DDX60: variants seen among roughly 807,000 people sequenced by gnomAD.
DDX60 encodes the protein probable ATP-dependent RNA helicase DDX60.
Under a neutral mutation model 212.8 loss-of-function variants are expected in DDX60, and 165 were observed. The observed-to-expected ratio is 0.78, with a 90% CI of 0.68 to 0.88. The LOEUF (loss-of-function observed/expected upper bound fraction) is 0.88. Ranked by LOEUF, DDX60 falls within the 40% of genes least tolerant of loss-of-function variation. DDX60 has a pLI of 0.00. For synonymous variants in DDX60, 703 were observed against 685.3 expected, an observed-to-expected ratio of 1.03 and a Z score of -0.40; for missense variants, 1,905 against 2,003.9, an observed-to-expected ratio of 0.95 and a Z score of 0.94.
At position 168,306,365 on chromosome 4, in the gene DDX60, T is replaced by G. The variant is rs1736873972; in HGVS notation, c.606+14A>C. 1 of 1,564,916 alleles carries G rather than the reference T, an allele frequency of 6.4e-7. No homozygotes were observed. Among genetic ancestry groups the G allele is most frequent in the African/African-American group, 1.4e-5 (1 of 72,710 alleles). On this transcript the variant is annotated intron_variant, in intron 5 of 37. Transcript: ENST00000393743. ...AAAATTTCTAGAAGAAATTGTCTTT[T>G]GGATGTGAATTACCTTCCAGGAAAA... is the stretch of plus-strand genomic sequence containing the variant.
the DDX60 span, among the ~76,000 whole-genome samples, chr4:168,323,969 A>G: frequency 6.6e-6 from 1 of 152,232 alleles, no homozygotes; most frequent in Admixed American, 6.5e-5. Context: ...GATTCCATTC[A>G]TTAAATCTAT....
In DDX60 at chr4:168,237,408, C is replaced by T. The variant is rs1363453669; in HGVS notation, c.4289G>A (p.Gly1430Asp). The change falls in exon 32 of 38, where the codon GGT becomes GAT. Residue 1430 changes from glycine (G) to aspartate (D), a missense_variant. Physicochemically the swap from Gly to Asp is moderately conservative, Grantham distance 94. Transcript: ENST00000393743. ...AAGTCCAGCAAACCCCATAGGATTA[C>T]CTTCTTGATCTAAATAGCCCTAAAG... ...LVKEGYLDQE[G>D]NPMGFAGLVS... 1.3e-6 allele frequency: 2 copies of T among 1,578,760 alleles called. No individual in the cohort carries two copies. Among genetic ancestry groups the T allele is most frequent in the Non-Finnish European group, 1.7e-6 (2 of 1,165,274 alleles).
At chr4:168,268,707 A>T in intron 20 of DDX60, 147 bp downstream of exon 20, 1 of 470,766 alleles carries the variant, frequency 2.1e-6, no homozygotes, top group African/African-American at 2.0e-5. Flanking sequence ...CAGGAGGTGT[A>T]GAGAGATGCA....
intron 18 of DDX60, 133 bp from the exon 19 acceptor site, chr4:168,272,271 G>A: frequency 1.5e-6 from 1 of 685,828 alleles, no homozygotes; most frequent in Non-Finnish European, 2.4e-6. Context: ...CATTGCTTCT[G>A]AGAATTCAGG....
intron 1 of DDX60, among the ~76,000 whole-genome samples, chr4:168,313,962 T>G (rs557847912): frequency 4.3e-4 from 66 of 152,266 alleles, no homozygotes; most frequent in East Asian, 1.3e-3. Context: ...GGTGACAAAA[T>G]AAAACTGCGT....
upstream of DDX60, among the ~76,000 whole-genome samples, chr4:168,321,442 C>G (rs1198128937): frequency 6.6e-6 from 1 of 152,126 alleles, no homozygotes. Context: ...ACCTGGCCAC[C>G]AAGGGGAATG....
chr4:168,317,536 C>T (rs548296594), intron 1 of DDX60, among the ~76,000 whole-genome samples: 2 of 152,206 alleles, frequency 1.3e-5, no homozygotes, highest in African/African-American at 2.4e-5. Flanking sequence ...AATGGTGGAG[C>T]TACTTGATGA....
At chr4:168,227,653 T>A (rs28715080) in intron 33 of DDX60, among the ~76,000 whole-genome samples, 25,713 of 151,978 alleles carry the variant, frequency 0.17, 3,804 homozygotes, top group African/African-American at 0.39. Flanking sequence ...TAAAGTTTAA[T>A]TCATTGACTT....
intron 16 of DDX60, among the ~76,000 whole-genome samples, chr4:168,274,708 G>A (rs922497550): frequency 7.2e-5 from 11 of 152,088 alleles, no homozygotes; most frequent in Admixed American, 2.0e-4. Context: ...GCAAGGAACC[G>A]GTCTTCCTAT....
At chr4:168,285,776 C>T (rs1735801713) in intron 10 of DDX60, among the ~76,000 whole-genome samples, 1 of 150,240 alleles carries the variant, frequency 6.7e-6, no homozygotes, top group Non-Finnish European at 1.5e-5. Flanking sequence ...TGAATGGATG[C>T]ATGGATGGGT....
At chr4:168,302,527 AG>A in intron 5 of DDX60, 111 bp from the exon 6 acceptor site, 1 of 491,166 alleles carries the variant, frequency 2.0e-6, no homozygotes, top group Non-Finnish European at 3.4e-6. Context: ...TATATTTCTA[AG>A]GAAAAAAATA....
At chr4:168,260,774 TG>T in intron 25 of DDX60, 90 bp downstream of exon 25, 1 of 1,146,816 alleles carries the variant, frequency 8.7e-7, no homozygotes, top group Non-Finnish European at 1.3e-6. Context: ...GGGCCAGTGA[TG>T]GTCTGTGGCC....
At chr4:168,261,197 A>G (rs1734610706) in intron 24 of DDX60, among the ~76,000 whole-genome samples, 1 of 152,232 alleles carries the variant, frequency 6.6e-6, no homozygotes, top group South Asian at 2.1e-4. Context: ...TGGCAGTAAT[A>G]TATACACACA....
intron 37 of DDX60, 101 bp downstream of exon 37, chr4:168,220,554 G>T: frequency 1.5e-6 from 1 of 656,264 alleles, no homozygotes; most frequent in Non-Finnish European, 2.6e-6. Context: ...GAAGCTTAAT[G>T]GCACCTTCAT....
intron 28 of DDX60, among the ~76,000 whole-genome samples, chr4:168,250,610 C>A (rs1734184279): frequency 6.6e-6 from 1 of 151,196 alleles, no homozygotes; most frequent in Admixed American, 6.6e-5. Flanking sequence ...ACTGCAACCT[C>A]CACCTCCCGG....
At chr4:168,246,290 C>T (rs1284155437) in intron 30 of DDX60, 128 bp downstream of exon 30, 1 of 1,059,980 alleles carries the variant, frequency 9.4e-7, no homozygotes, top group Non-Finnish European at 1.4e-6. Flanking sequence ...CGATTCAAGA[C>T]ATTACAAAAC....
chr4:168,287,096 T>C lies in DDX60; in HGVS notation c.1291A>G (p.Arg431Gly). 1 of 1,611,954 alleles carries C rather than the reference T, an allele frequency of 6.2e-7. No individual in the cohort carries two copies. Among genetic ancestry groups the C allele is most frequent in the South Asian group, 1.1e-5 (1 of 90,476 alleles). The change falls in exon 10 of 38, where the codon AGA (arginine) becomes GGA (glycine). Residue 431 changes from arginine to glycine, a missense_variant. Arg to Gly is a moderately radical substitution (Grantham distance 125). Coordinates refer to ENST00000393743, the MANE Select transcript of DDX60 (RefSeq NM_017631.6). ...DFEVGQPFPLRTTKVCFLEKK... is the reference protein window; with the variant it reads ...DFEVGQPFPLGTTKVCFLEKK... ...TCAAGAAAACAAACTTTTGTTGTTCTCAGAGGAAATGGCTGTCCAACCTCA... is the reference window on the plus strand; with the variant it reads ...TCAAGAAAACAAACTTTTGTTGTTCCCAGAGGAAATGGCTGTCCAACCTCA...
intron 10 of DDX60, 101 bp from the exon 11 acceptor site, chr4:168,285,599 A>T (rs965438695): frequency 1.8e-5 from 13 of 706,720 alleles, no homozygotes; most frequent in Middle Eastern, 3.8e-4. Flanking sequence ...AAAACATTTT[A>T]TATTAATCTT....
chr4:168,274,583 T>G (rs553673227), intron 16 of DDX60, among the ~76,000 whole-genome samples: 1 of 152,096 alleles, frequency 6.6e-6, no homozygotes, highest in South Asian at 2.1e-4. Flanking sequence ...GGAAAACAAC[T>G]CAAAACCCCA....
Sources: allele counts gnomAD v4.1 joint callset (sites outside exome capture counted in the v4.1 genomes callset), GRCh38; gene constraint gnomAD v4.1.1; transcripts MANE v1.5; gene names NCBI Gene and HGNC (gene_info 2026-07-23, HGNC 2026-07-21).